NELFB: variants seen among roughly 807,000 people sequenced by gnomAD.
NELFB encodes the protein negative elongation factor complex member B.
A neutral mutation model predicts 60.2 loss-of-function variants in NELFB; 34 were observed. The ratio of observed to expected loss-of-function variants is 0.56; its 90% CI spans 0.43 to 0.75. The LOEUF (loss-of-function observed/expected upper bound fraction) is 0.75. Among genes scored for constraint, NELFB ranks in the 30% least tolerant of loss-of-function variants. The pLI, the probability that NELFB is intolerant of heterozygous loss-of-function variation, is 0.00. For synonymous variants in NELFB, 459 were observed against 382.1 expected (o/e 1.20, Z -2.35); for missense variants, 770 against 831.6 (o/e 0.93, Z 0.91).
intron 4 of NELFB, among the ~76,000 whole-genome samples, chr9:137,257,659 C>T (rs978962048): frequency 2.6e-5 from 4 of 152,010 alleles, no homozygotes; most frequent in Middle Eastern, 3.4e-3. Flanking sequence ...TGCATCACCA[C>T]GCCCGGCTAA....
chr9:137,262,603 CTATT>C (rs1002801628), intron 4 of NELFB, among the ~76,000 whole-genome samples: 11 of 152,214 alleles, frequency 7.2e-5, no homozygotes, highest in Admixed American at 3.3e-4. Flanking sequence ...TCTAATATAA[CTATT>C]CTTGCATATT....
At chr9:137,262,638 G>A (rs190751959) in intron 4 of NELFB, among the ~76,000 whole-genome samples, 5 of 152,142 alleles carry the variant, frequency 3.3e-5, no homozygotes, top group African/African-American at 4.8e-5. Context: ...GGAACAGCTC[G>A]TGCCCTTGGT....
intron 8 of NELFB, among the ~76,000 whole-genome samples, chr9:137,266,637 C>T (rs567224410): frequency 3.7e-4 from 56 of 152,070 alleles, no homozygotes; most frequent in African/African-American, 1.3e-3. Context: ...GGGGTATCTC[C>T]ATGGCCCGTG....
chr9:137,263,344 G>GCCCT lies in NELFB; in HGVS notation c.927+137_927+140dup, dbSNP rs1165398888. 30 of 743,236 alleles carry GCCCT rather than the reference G, an allele frequency of 4.0e-5. No homozygotes were observed. The African/African-American group carries it at 6.4e-4, about 16-fold the overall frequency. The allele number at this position is 743,236 out of a possible 1,614,324, so 46.0% of individuals were successfully genotyped here. A position where few individuals can be genotyped will look rare whatever the true frequency, so the allele number is the denominator to read the frequency against. On this transcript the variant is annotated intron_variant, in intron 5 of 12. Transcript: ENST00000343053. ...CCACTGCCCTCCTGAAGGTAGCGCT[G>GCCCT]CCCTCCCTCCCTCCCTCCTTCTCCC...
chr9:137,255,839 G>A, intron 1 of NELFB, 68 bp from the exon 2 acceptor site: 2 of 1,584,386 alleles, frequency 1.3e-6, no homozygotes, highest in African/African-American at 1.3e-5. Flanking sequence ...GTGCCTCCCT[G>A]TGCTCTCAGG....
At chr9:137,261,108 C>T (rs1029774811) in intron 4 of NELFB, among the ~76,000 whole-genome samples, 10 of 146,808 alleles carry the variant, frequency 6.8e-5, no homozygotes, top group Non-Finnish European at 1.5e-4. Context: ...TTTGGGAGGC[C>T]GAGGCGGGTG....
At chr9:137,265,052 T>C (rs1281709024) in intron 6 of NELFB, among the ~76,000 whole-genome samples, 1 of 146,726 alleles carries the variant, frequency 6.8e-6, no homozygotes, top group Non-Finnish European at 1.5e-5. Flanking sequence ...TTTTTTTTTT[T>C]TTCTGAGACA....
intron 5 of NELFB, 95 bp downstream of exon 5, chr9:137,263,317 C>A: frequency 8.4e-7 from 1 of 1,194,898 alleles, no homozygotes. Flanking sequence ...TCCCTCCTTC[C>A]CCCACTGCCC....
chr9:137,270,257 G>A (rs1830567119), intron 10 of NELFB, among the ~76,000 whole-genome samples: 1 of 150,502 alleles, frequency 6.6e-6, no homozygotes, highest in Admixed American at 6.6e-5. Context: ...CTCCAGCCTG[G>A]GCGACAAAGC....
intron 2 of NELFB, 65 bp downstream of exon 2, chr9:137,256,135 AG>A: frequency 1.3e-6 from 2 of 1,545,252 alleles, no homozygotes; most frequent in Non-Finnish European, 1.8e-6. Context: ...GGATCGACTC[AG>A]GGGCATTTAT....
chr9:137,265,828 A>G, intron 6 of NELFB, 49 bp from the exon 7 acceptor site: 1 of 1,271,022 alleles, frequency 7.9e-7, no homozygotes, highest in Non-Finnish European at 1.2e-6. Context: ...GTGCCGCTGA[A>G]GGGAGGGGCA....
At chr9:137,257,826 A>G (rs1837580612) in intron 4 of NELFB, among the ~76,000 whole-genome samples, 1 of 130,748 alleles carries the variant, frequency 7.6e-6, no homozygotes, top group African/African-American at 2.9e-5. Flanking sequence ...TTCTTTTTTA[A>G]GAGACAGGGT....
At chr9:137,260,299 C>T (rs1830417845) in intron 4 of NELFB, among the ~76,000 whole-genome samples, 1 of 151,508 alleles carries the variant, frequency 6.6e-6, no homozygotes, top group Non-Finnish European at 1.5e-5. Context: ...ATCCACCCGC[C>T]TCGGCCTCCC....
At chr9:137,265,585 T>C (rs1030394089) in intron 6 of NELFB, among the ~76,000 whole-genome samples, 3 of 151,806 alleles carry the variant, frequency 2.0e-5, no homozygotes, top group Non-Finnish European at 4.4e-5. Context: ...AGACAGGGTT[T>C]CACTTTGTTA....
rs368315683 is a variant in NELFB at position 137,272,167 on chromosome 9, C to G, written c.1576C>G (p.Leu526Val). Residue 526 changes from leucine (L) to valine (V), a missense_variant, in exon 11 of 13, where the codon CTT becomes GTT. Transcript: ENST00000343053. The stretch of plus-strand genomic sequence containing the variant: ...TGCGCTGCTGGCCGACGAATTTGCC[C>G]TTGAGGACTTCTGCAGCAGCCTCTT... 2.5e-6 allele frequency: 4 copies of G among 1,614,238 alleles called. No individual in the cohort carries two copies. In the South Asian group the frequency reaches 3.3e-5, roughly 13 times the overall value.
chr9:137,266,468 G>C, intron 8 of NELFB, 42 bp downstream of exon 8: 1 of 1,564,384 alleles, frequency 6.4e-7, no homozygotes. Flanking sequence ...CCTACGAGGG[G>C]TTGTGGGCTG....
At chr9:137,264,557 C>G (rs1830496408) in intron 6 of NELFB, among the ~76,000 whole-genome samples, 200 bp downstream of exon 6, 1 of 152,254 alleles carries the variant, frequency 6.6e-6, no homozygotes, top group Non-Finnish European at 1.5e-5. Context: ...CCTCCGCCTC[C>G]TAGGCTTAAG....
At position 137,272,877 on chromosome 9, in the gene NELFB, G is replaced by A. The variant is rs929714829; in HGVS notation, c.1836G>A (p.Thr612=). 5.3e-5 allele frequency: 82 copies of A among 1,547,788 alleles called. No individual in the cohort carries two copies. The highest frequency in any genetic ancestry group is 5.1e-4 in the Admixed American group (26 of 50,850). ...CCAGCCCGGCACAGGCTGCGGAGAC[G>A]CCGGCCCTGGAGCTGCCCCTCCCCA... The change falls in exon 13 of 13, where the codon ACG becomes ACA. Residue 612 remains threonine, a synonymous_variant. Coordinates refer to ENST00000343053, the MANE Select transcript of NELFB (RefSeq NM_015456.5).
Position 137,255,417 on chromosome 9 carries a change from C to T in NELFB, c.52C>T (p.Pro18Ser), listed in dbSNP as rs186246889. The T allele has an allele frequency of 8.5e-3, 9,626 of 1,136,792 alleles. 273 individuals carry two copies. The highest frequency in any genetic ancestry group is 5.1e-3 in the Non-Finnish European group (4,396 of 867,484). The allele number at this position is 1,136,792 out of a possible 1,614,324, so 70.4% of individuals were successfully genotyped here. Residue 18 changes from proline to serine, a missense_variant, in exon 1 of 13, where the codon CCG becomes TCG. By Grantham distance (74) the Pro-to-Ser change is moderately conservative (BLOSUM62 -1). Transcript: ENST00000343053. ...GCGGGGCTCGGGCGGTCCCCGAGGC[C>T]CGGCGGAGCGGGCTTCTGGGGTGTC...
Sources: gnomAD v4.1 joint callset for allele counts (sites outside exome capture counted in the v4.1 genomes callset) on GRCh38, gnomAD v4.1.1 for gene constraint, MANE v1.5 for transcripts, NCBI Gene and HGNC (gene_info 2026-07-23, HGNC 2026-07-21) for gene names.